Variants in FRMD4B observed in about 807,000 individuals in gnomAD.
FRMD4B encodes the protein FERM domain containing 4B.
In FRMD4B, 74 loss-of-function variants were observed where a neutral mutation model predicts 141.5. That is an observed-to-expected ratio of 0.52 (90% CI 0.43 to 0.63). FRMD4B has a LOEUF of 0.63. Ranked by LOEUF, FRMD4B falls within the 30% of genes least tolerant of loss-of-function variation. The probability of loss-of-function intolerance (pLI) is 0.00; values close to 1 mark genes in which losing one functional copy is unlikely to be tolerated. For missense variants in FRMD4B, 1,366 were observed against 1,253.4 expected (o/e 1.09, Z -1.36); for synonymous variants, 506 against 467.9 (o/e 1.08, Z -1.05).
chr3:69,228,315 T>C (rs2093273809), intron 7 of FRMD4B: 2 of 456,716 alleles, frequency 4.4e-6, no homozygotes, highest in East Asian at 1.4e-4. Flanking sequence ...TATGTCACTC[T>C]GAATATTAGA....
At chr3:69,521,443 G>A (rs1700851984) in intron 1 of FRMD4B, among the ~76,000 whole-genome samples, 1 of 152,126 alleles carries the variant, frequency 6.6e-6, no homozygotes, top group African/African-American at 2.4e-5. Flanking sequence ...CCTGACTGAG[G>A]CATGGTTGCA....
intron 1 of FRMD4B, among the ~76,000 whole-genome samples, chr3:69,351,410 T>G (rs1193686733): frequency 6.6e-6 from 1 of 152,132 alleles, no homozygotes; most frequent in Non-Finnish European, 1.5e-5. Context: ...GCCAAAATAT[T>G]TTTGAAACAA....
chr3:69,200,804 T>A, intron 11 of FRMD4B: 1 of 575,876 alleles, frequency 1.7e-6, no homozygotes, highest in Non-Finnish European at 3.0e-6. Flanking sequence ...CTACCCTAGT[T>A]TACTCACCCT....
intron 18 of FRMD4B, among the ~76,000 whole-genome samples, chr3:69,188,191 G>A (rs1559696982): frequency 6.6e-6 from 1 of 152,122 alleles, no homozygotes; most frequent in Non-Finnish European, 1.5e-5. Context: ...TCACTCAAGG[G>A]GAATGGGTAA....
chr3:69,270,818 C>G (rs1215764413), intron 5 of FRMD4B, among the ~76,000 whole-genome samples: 3 of 152,090 alleles, frequency 2.0e-5, no homozygotes, highest in Non-Finnish European at 2.9e-5. Flanking sequence ...CCCGCCTCGG[C>G]CTCTCAAAGT....
chr3:69,296,880 C>A (rs1002185316), intron 4 of FRMD4B, among the ~76,000 whole-genome samples: 10 of 151,854 alleles, frequency 6.6e-5, no homozygotes, highest in Non-Finnish European at 1.5e-4. Context: ...TACAGATGAC[C>A]AAAAAAGAAG....
At chr3:69,306,963 AAGG>A (rs913733028) in intron 3 of FRMD4B, among the ~76,000 whole-genome samples, 2 of 152,294 alleles carry the variant, frequency 1.3e-5, no homozygotes, top group Non-Finnish European at 2.9e-5. Context: ...AAGACATTCC[AAGG>A]AGACACCCTT....
intron 1 of FRMD4B, among the ~76,000 whole-genome samples, chr3:69,340,486 A>G (rs971634369): frequency 1.8e-4 from 27 of 152,134 alleles, no homozygotes; most frequent in African/African-American, 6.3e-4. Flanking sequence ...GAAGGATGTG[A>G]TCTTGTTCTA....
intron 5 of FRMD4B, among the ~76,000 whole-genome samples, chr3:69,279,781 TCTCCTCCTCCTC>T (rs144074081): frequency 1.1e-4 from 8 of 72,336 alleles, no homozygotes; most frequent in Non-Finnish European, 1.8e-4. Context: ...CCCCTCCTCC[TCTCCTCCTCCTC>T]CTCCTCCTCC....
At chr3:69,517,969 A>C (rs1700792155) in intron 1 of FRMD4B, among the ~76,000 whole-genome samples, 1 of 152,194 alleles carries the variant, frequency 6.6e-6, no homozygotes, top group Non-Finnish European at 1.5e-5. Context: ...AAAACTCAAG[A>C]ATCTGCATTT....
chr3:69,228,287 C>T (rs2093273512), intron 7 of FRMD4B: 1 of 456,362 alleles, frequency 2.2e-6, no homozygotes, highest in Non-Finnish European at 4.4e-6. Context: ...ATCTTTTAGA[C>T]TTACAGAATT....
intron 1 of FRMD4B, among the ~76,000 whole-genome samples, chr3:69,489,084 C>T (rs1446197554): frequency 1.3e-5 from 2 of 151,596 alleles, no homozygotes; most frequent in Non-Finnish European, 2.9e-5. Context: ...AGGACACTAT[C>T]AAGAATGTGA....
intron 1 of FRMD4B, among the ~76,000 whole-genome samples, chr3:69,328,746 C>T (rs1702265063): frequency 6.6e-6 from 1 of 152,160 alleles, no homozygotes; most frequent in Non-Finnish European, 1.5e-5. Flanking sequence ...TCACCAGCAC[C>T]ATGACAGTTT....
rs192443820 is a variant in FRMD4B, at chr3:69,209,899, A to T, written c.876+6364T>A. 2.6e-3 allele frequency among the ~76,000 whole-genome samples: 400 copies of T among 152,340 alleles called. 2 individuals carry two copies. Among genetic ancestry groups the T allele is most frequent in the Admixed American group, 0.012 (187 of 15,308 alleles). On this transcript the variant is annotated intron_variant, in intron 11 of 22. Coordinates refer to ENST00000398540, the MANE Select transcript of FRMD4B (RefSeq NM_015123.3). ...GCTTCTAATCTAGGTCCAAGGTGGTATGGTCATGGTGGAAAGAAGAGCTTA... is the reference window on the plus strand; with the variant it reads ...GCTTCTAATCTAGGTCCAAGGTGGTTTGGTCATGGTGGAAAGAAGAGCTTA...
chr3:69,507,592 C>G (rs981800179), intron 1 of FRMD4B, among the ~76,000 whole-genome samples: 1 of 152,110 alleles, frequency 6.6e-6, no homozygotes, highest in African/African-American at 2.4e-5. Context: ...TAGAATATTT[C>G]TAATCTTTTA....
rs1337669910 is a variant in FRMD4B at position 69,262,567 on chromosome 3, C to T, written c.502-12468G>A. ...CATCGCCTCCCAGGTTCAAGTGATT[C>T]TCCTGCCTCAGCCTCCCTAGTAGCT... On this transcript the variant is annotated intron_variant, in intron 5 of 22. Coordinates refer to ENST00000398540, the MANE Select transcript of FRMD4B (RefSeq NM_015123.3). 4.5e-5 allele frequency among the ~76,000 whole-genome samples: 6 copies of T among 132,708 alleles called. No individual in the cohort carries two copies. The East Asian group carries it at 1.5e-3, about 34-fold the overall frequency. 87.1% of individuals were successfully genotyped at this position (132,708 alleles called of 152,430 possible).
At chr3:69,292,556 T>C (rs1282882670) in intron 4 of FRMD4B, among the ~76,000 whole-genome samples, 1 of 152,208 alleles carries the variant, frequency 6.6e-6, no homozygotes, top group Non-Finnish European at 1.5e-5. Context: ...TTCCCACTAC[T>C]TTCTGGCGAC....
chr3:69,536,976 G>T (rs1371549031), intron 1 of FRMD4B, among the ~76,000 whole-genome samples: 1 of 152,030 alleles, frequency 6.6e-6, no homozygotes, highest in South Asian at 2.1e-4. Context: ...TTGAACTCTT[G>T]GGCTCAAGGA....
Position 69,504,191 on chromosome 3 carries a change from A to ATT in FRMD4B, c.-129+38014_-129+38015insAA. On this transcript the variant is annotated intron_variant, in intron 1 of 5. Coordinates refer to the FRMD4B transcript ENST00000459638. ...TGGTGGGTCTCTTTTTAATGGCAGTAAAGTATAACATCTTATAGGCTCAGA... is the reference window on the plus strand; with the variant it reads ...TGGTGGGTCTCTTTTTAATGGCAGTATTAAGTATAACATCTTATAGGCTCAGA... Among the ~76,000 whole-genome samples, 2 of 152,286 alleles carry ATT rather than the reference A, an allele frequency of 1.3e-5. 1 individual carries two copies. Among genetic ancestry groups the ATT allele is most frequent in the East Asian group, 3.9e-4 (2 of 5,186 alleles).
Sources: allele counts gnomAD v4.1 joint callset (sites outside exome capture counted in the v4.1 genomes callset), GRCh38; gene constraint gnomAD v4.1.1; transcripts MANE v1.5; gene names NCBI Gene and HGNC (gene_info 2026-07-23, HGNC 2026-07-21).